The following TPRG1 variants were observed in gnomAD, a reference collection of about 807,000 sequenced individuals.
TPRG1 encodes tumor protein p63 regulated 1.
A neutral mutation model predicts 29.3 loss-of-function variants in TPRG1; 29 were observed. That is an observed-to-expected ratio of 0.99 (90% confidence interval 0.74 to 1.35). The LOEUF (loss-of-function observed/expected upper bound fraction) is 1.35. Ranked by LOEUF, TPRG1 falls within the 40% of genes most tolerant of loss-of-function variation. The pLI, the probability that TPRG1 is intolerant of heterozygous loss-of-function variation, is 0.00. For missense variants in TPRG1, 327 were observed against 335.0 expected, an observed-to-expected ratio of 0.98 and a Z score of 0.19; for synonymous variants, 130 against 116.8, an observed-to-expected ratio of 1.11 and a Z score of -0.73.
intron 1 of TPRG1, among the ~76,000 whole-genome samples, chr3:189,122,938 G>A (rs1439726325): frequency 1.3e-5 from 2 of 152,128 alleles, no homozygotes; most frequent in Non-Finnish European, 2.9e-5. Context: ...CTTATTATGT[G>A]CCAGGCACTA....
At chr3:189,041,808 G>A (rs954677689) in intron 4 of TPRG1, among the ~76,000 whole-genome samples, 9 of 152,174 alleles carry the variant, frequency 5.9e-5, no homozygotes, top group Non-Finnish European at 8.8e-5. Flanking sequence ...CATGCACAAA[G>A]GCCTCAGACT....
chr3:189,079,995 T>C (rs147880023), intron 4 of TPRG1, among the ~76,000 whole-genome samples: 57 of 152,316 alleles, frequency 3.7e-4, no homozygotes, highest in African/African-American at 1.3e-3. Context: ...CCTGATGTGG[T>C]TGGATGCACG....
chr3:189,185,407 G>A (rs566973445), intron 1 of TPRG1, among the ~76,000 whole-genome samples: 39 of 152,040 alleles, frequency 2.6e-4, no homozygotes, highest in African/African-American at 9.4e-4. Context: ...GAAATTTTTT[G>A]TAGAGATGGT....
chr3:189,296,440 A>G (rs1379045019), intron 4 of TPRG1, among the ~76,000 whole-genome samples: 1 of 152,234 alleles, frequency 6.6e-6, no homozygotes, highest in African/African-American at 2.4e-5. Flanking sequence ...ACAGACGATT[A>G]CAATTATATA....
Position 189,198,556 on chromosome 3 carries a change from G to A in TPRG1, c.-9-8820G>A, listed in dbSNP as rs184641404. Among the ~76,000 whole-genome samples, 162 of 152,308 alleles carry A rather than the reference G, an allele frequency of 1.1e-3. 1 individual carries two copies. Among genetic ancestry groups the A allele is most frequent in the Non-Finnish European group, 1.3e-3 (87 of 68,028 alleles). On this transcript the variant is annotated intron_variant, in intron 1 of 5. Transcript: ENST00000345063. ...GCACTCGCTGTGTATGAGGAAATGCGCACAGATAAAACAAATTAAGCCTTG... is the reference window on the plus strand; with the variant it reads ...GCACTCGCTGTGTATGAGGAAATGCACACAGATAAAACAAATTAAGCCTTG...
At position 189,296,854 on chromosome 3, in the gene TPRG1, T is replaced by C. The variant is rs543573029; in HGVS notation, c.480-13532T>C. On this transcript the variant is annotated intron_variant, in intron 4 of 5. Transcript: ENST00000345063. ...TCTTCAAACAAACCTTATACTAGTC[T>C]GTTTCCTTGATAAAAATATTTTTTG... Among the ~76,000 whole-genome samples, 35 of 152,364 alleles carry C rather than the reference T, an allele frequency of 2.3e-4. No individual in the cohort carries two copies. The South Asian group carries it at 7.3e-3, about 32-fold the overall frequency.
intron 1 of TPRG1, among the ~76,000 whole-genome samples, chr3:189,180,832 GCC>G (rs1455512448): frequency 6.6e-6 from 1 of 152,106 alleles, no homozygotes; most frequent in Admixed American, 6.5e-5. Flanking sequence ...GGGGACTCTG[GCC>G]CCACATTTCC....
At chr3:189,207,311 C>T (rs1734544664) in intron 1 of TPRG1, 65 bp from the exon 2 acceptor site, 1 of 1,566,156 alleles carries the variant, frequency 6.4e-7, no homozygotes, top group Admixed American at 1.8e-5. Context: ...TTCTGTTTTG[C>T]CATAGCTAGG....
chr3:189,265,880 CCTT>C (rs1713983231), intron 4 of TPRG1, among the ~76,000 whole-genome samples: 2 of 152,104 alleles, frequency 1.3e-5, no homozygotes, highest in Non-Finnish European at 2.9e-5. Flanking sequence ...TCACATTTGG[CCTT>C]CTTCTACCAA....
intron 4 of TPRG1, among the ~76,000 whole-genome samples, chr3:189,093,538 G>C (rs1210438050): frequency 6.6e-6 from 1 of 152,172 alleles, no homozygotes; most frequent in East Asian, 1.9e-4. Flanking sequence ...GGCTCGCGGG[G>C]ATTTTATTAG....
At chr3:189,061,671 A>G (rs1452795489) in intron 4 of TPRG1, among the ~76,000 whole-genome samples, 2 of 151,952 alleles carry the variant, frequency 1.3e-5, no homozygotes, top group African/African-American at 4.8e-5. Flanking sequence ...CATGTGGCCA[A>G]CAAGCATATT....
intron 4 of TPRG1, among the ~76,000 whole-genome samples, chr3:189,035,167 A>T (rs1227403158): frequency 6.6e-6 from 1 of 152,188 alleles, no homozygotes. Flanking sequence ...GACAAAGTCA[A>T]CAATAACAAG....
intron 3 of TPRG1, among the ~76,000 whole-genome samples, chr3:189,143,616 C>G (rs574030891): frequency 7.1e-4 from 108 of 152,314 alleles, no homozygotes; most frequent in Non-Finnish European, 1.3e-3. Context: ...GCCTGAGAAC[C>G]CACATTAGGA....
chr3:189,276,519 G>A (rs547764615), intron 4 of TPRG1, among the ~76,000 whole-genome samples: 34 of 152,250 alleles, frequency 2.2e-4, no homozygotes, highest in African/African-American at 7.9e-4. Context: ...CTTGGGCTCT[G>A]ATGTCATGGT....
chr3:189,320,818 TGA>T lies in TPRG1; in HGVS notation c.*2_*3del. On this transcript the variant is annotated frameshift_variant and stop_lost, in exon 6 of 6. Transcript: ENST00000345063. LOFTEE classifies it high-confidence loss of function. ...YSLARGSIGF[*>X] Reference sequence around the variant, plus strand: ...CCTTGCCCGTGGGAGTATTGGTTTTTGAGAGTCTTTTTGGTACCATAAGCATA... The same window carrying T: ...CCTTGCCCGTGGGAGTATTGGTTTTTGAGTCTTTTTGGTACCATAAGCATA... 6.4e-7 allele frequency: 1 copy of T among 1,574,664 alleles called. No individual in the cohort carries two copies. Among genetic ancestry groups the T allele is most frequent in the Non-Finnish European group, 8.6e-7 (1 of 1,161,134 alleles).
intron 4 of TPRG1, among the ~76,000 whole-genome samples, chr3:189,263,599 A>G (rs976764575): frequency 1.3e-5 from 2 of 152,202 alleles, no homozygotes; most frequent in Admixed American, 6.5e-5. Context: ...AACTGTGGGG[A>G]CATCTCTGGA....
intron 4 of TPRG1, among the ~76,000 whole-genome samples, chr3:189,074,522 T>C (rs1046252299): frequency 6.6e-6 from 1 of 152,064 alleles, no homozygotes; most frequent in African/African-American, 2.4e-5. Context: ...TTTTCTTTTT[T>C]ACGTTTGGAA....
chr3:189,302,968 C>T (rs915459122), intron 4 of TPRG1, among the ~76,000 whole-genome samples: 3 of 152,286 alleles, frequency 2.0e-5, no homozygotes, highest in African/African-American at 7.2e-5. Context: ...GAGGAGACAG[C>T]TGACATAAGA....
At chr3:189,010,102 T>C (rs1175601522) in intron 3 of TPRG1, among the ~76,000 whole-genome samples, 1 of 152,188 alleles carries the variant, frequency 6.6e-6, no homozygotes, top group Non-Finnish European at 1.5e-5. Context: ...GCTCCATCCA[T>C]GTCCCTGCAA....
Sources: gnomAD v4.1 joint callset for allele counts (sites outside exome capture counted in the v4.1 genomes callset) on GRCh38, gnomAD v4.1.1 for gene constraint, MANE v1.5 for transcripts, NCBI Gene and HGNC (gene_info 2026-07-23, HGNC 2026-07-21) for gene names.